PTGFRN: variants seen among roughly 807,000 people sequenced by gnomAD.
PTGFRN encodes the protein prostaglandin F2 receptor inhibitor.
In PTGFRN, 35 loss-of-function variants were observed where a neutral mutation model predicts 83.2. The observed-to-expected ratio is 0.42, with a 90% CI of 0.32 to 0.56. PTGFRN has a LOEUF of 0.56. Ranked by LOEUF, PTGFRN falls within the 20% of genes least tolerant of loss-of-function variation. PTGFRN has a pLI of 0.11. For synonymous variants in PTGFRN, 519 were observed against 498.6 expected, an observed-to-expected ratio of 1.04 and a Z score of -0.55; for missense variants, 1,051 against 1,179.5, an observed-to-expected ratio of 0.89 and a Z score of 1.60.
intron 4 of PTGFRN, among the ~76,000 whole-genome samples, chr1:116,950,113 A>C (rs1403733231): frequency 2.6e-5 from 4 of 152,026 alleles, no homozygotes; most frequent in Non-Finnish European, 5.9e-5. Context: ...CTCTCACCCC[A>C]GGTGTAATTT....
intron 1 of PTGFRN, among the ~76,000 whole-genome samples, chr1:116,931,304 T>A (rs528558045): frequency 6.6e-6 from 1 of 152,250 alleles, no homozygotes; most frequent in South Asian, 2.1e-4. Context: ...GTATGACAGT[T>A]TGCACTGTTC....
Position 116,961,724 on chromosome 1 carries a change from G to GAGAT in PTGFRN, c.1639+56_1639+57insAGAT. ...GTTTTGTCTTTGCTTAAGTCGTGCC[G>GAGAT]CTGTGTGTTGATGCACAGTCACCCT... On this transcript the variant is annotated intron_variant, in intron 5 of 8. Coordinates refer to ENST00000393203, the MANE Select transcript of PTGFRN (RefSeq NM_020440.4). This position sits in a 1 kb window ranked among gnomAD's most constrained non-coding sequence, Gnocchi z 5.4. 6.7e-7 allele frequency: 1 copy of GAGAT among 1,494,168 alleles called. No individual in the cohort carries two copies. Among genetic ancestry groups the GAGAT allele is most frequent in the South Asian group, 1.3e-5 (1 of 76,086 alleles). The allele number at this position is 1,494,168 out of a possible 1,614,324, so 92.6% of individuals were successfully genotyped here. A position where few individuals can be genotyped will look rare whatever the true frequency, so the allele number is the denominator to read the frequency against.
rs1171564821 is a variant in PTGFRN, at chr1:116,927,525, C to CTTTTTTTT, written c.50-14178_50-14171dup. 1.8e-4 allele frequency among the ~76,000 whole-genome samples: 22 copies of CTTTTTTTT among 124,392 alleles called. 2 individuals carry two copies. The highest frequency in any genetic ancestry group is 8.1e-4 in the African/African-American group (21 of 25,996). 81.6% of individuals were successfully genotyped at this position (124,392 alleles called of 152,430 possible). ...CTGTATGTCTTTCTGCCTTGCTTAC[C>CTTTTTTTT]TTTTTTTTTTTTTTTTTTTGATACA... On this transcript the variant is annotated intron_variant, in intron 1 of 8. Transcript: ENST00000393203.
chr1:116,910,320 C>T, intron 1 of PTGFRN, 68 bp downstream of exon 1: 6 of 1,226,550 alleles, frequency 4.9e-6, no homozygotes, highest in Middle Eastern at 3.1e-4. Context: ...CGGCGGGGCG[C>T]GGCTGCAGCG....
intron 4 of PTGFRN, among the ~76,000 whole-genome samples, chr1:116,955,769 G>A (rs1557742250): frequency 2.0e-5 from 3 of 152,160 alleles, no homozygotes; most frequent in African/African-American, 2.4e-5. Context: ...TGCACAGCAC[G>A]TACAGAGAAT....
intron 1 of PTGFRN, among the ~76,000 whole-genome samples, chr1:116,927,904 A>G (rs1649694269): frequency 6.6e-6 from 1 of 152,192 alleles, no homozygotes; most frequent in Non-Finnish European, 1.5e-5. Context: ...ATGAAATGCA[A>G]AGTCTTTGTC....
At chr1:116,956,622 A>T (rs1650505098) in intron 4 of PTGFRN, among the ~76,000 whole-genome samples, 1 of 152,206 alleles carries the variant, frequency 6.6e-6, no homozygotes, top group Non-Finnish European at 1.5e-5. Flanking sequence ...AGTGGAGTTG[A>T]GAAGGCAGTG....
chr1:116,957,949 C>G (rs560585135), intron 4 of PTGFRN, among the ~76,000 whole-genome samples: 1 of 147,562 alleles, frequency 6.8e-6, no homozygotes, highest in South Asian at 2.2e-4. Context: ...GGATTTTGTT[C>G]TTTTTTTTTT....
In PTGFRN at chr1:116,961,641, C is replaced by A. The variant is rs1196982575; in HGVS notation, c.1612C>A (p.Pro538Thr). 1 of 1,611,074 alleles carries A rather than the reference C, an allele frequency of 6.2e-7. No individual in the cohort carries two copies. The highest frequency in any genetic ancestry group is 1.3e-5 in the African/African-American group (1 of 74,754). ...GAAAAGCAAGGATGTCTTCTCCAAG[C>A]CTGTTAACATATTTTGGGCATTAGA... is the stretch of plus-strand genomic sequence containing the variant. ...WVKSKDVFSK[P>T]VNIFWALEDS... is the part of the protein sequence containing the mutation. Residue 538 changes from proline (P) to threonine (T), a missense_variant, in exon 5 of 9, where the codon CCT becomes ACT. Coordinates refer to ENST00000393203, the MANE Select transcript of PTGFRN (RefSeq NM_020440.4). This position sits in a 1 kb window ranked among gnomAD's most constrained non-coding sequence, Gnocchi z 5.4.
At chr1:116,982,004 C>G (rs1467070741) in intron 7 of PTGFRN, among the ~76,000 whole-genome samples, 1 of 152,132 alleles carries the variant, frequency 6.6e-6, no homozygotes, top group East Asian at 1.9e-4. Context: ...TAGCTCCATT[C>G]ACAGGGGAAG....
intron 1 of PTGFRN, among the ~76,000 whole-genome samples, chr1:116,915,643 G>A (rs761953559): frequency 6.6e-6 from 1 of 152,132 alleles, no homozygotes; most frequent in African/African-American, 2.4e-5. Context: ...TTGTTTTAGC[G>A]ATGAGCTGCT....
chr1:116,941,995 G>T lies in PTGFRN; in HGVS notation c.330G>T (p.Gln110His). 1 of 1,614,196 alleles carries T rather than the reference G, an allele frequency of 6.2e-7. No homozygotes were observed. Among genetic ancestry groups the T allele is most frequent in the Non-Finnish European group, 8.5e-7 (1 of 1,180,042 alleles). The change falls in exon 2 of 9, where the codon CAG becomes CAT. Residue 110 changes from glutamine to histidine, a missense_variant. Physicochemically the swap from Gln to His is conservative, Grantham distance 24. Around this residue, in one of 3 missense-constraint regions of PTGFRN, gnomAD observed 127 missense variants for 168.4 expected, o/e 0.75. Transcript: ENST00000393203. The surrounding 1 kb of genome is among the most constrained non-coding windows in gnomAD (Gnocchi z 5.0). ...TGGAGCTCCACATAAAGAACGTCCA[G>T]CCTTCAGACCAAGGCCACTACAAAT... ...DAVELHIKNV[Q>H]PSDQGHYKCS...
chr1:116,955,376 C>T (rs1452606288), intron 4 of PTGFRN, among the ~76,000 whole-genome samples: 1 of 152,194 alleles, frequency 6.6e-6, no homozygotes, highest in Admixed American at 6.5e-5. Flanking sequence ...CAAATATTCA[C>T]AGTTGAAGAA....
intron 7 of PTGFRN, among the ~76,000 whole-genome samples, chr1:116,977,856 A>G (rs1651199684): frequency 6.6e-6 from 1 of 152,256 alleles, no homozygotes. Flanking sequence ...GCAGAAGGCA[A>G]GAAATAACTA....
chr1:116,910,399 G>C (rs1039541775), intron 1 of PTGFRN, 147 bp downstream of exon 1: 63 of 630,050 alleles, frequency 1.0e-4, no homozygotes, highest in Non-Finnish European at 1.1e-4. Context: ...CGGGTTGTTC[G>C]GCCCGGCGGG....
chr1:116,981,460 C>T (rs528992137), intron 7 of PTGFRN, among the ~76,000 whole-genome samples: 16 of 152,196 alleles, frequency 1.1e-4, no homozygotes, highest in Admixed American at 2.0e-4. Context: ...CTAAAAGCAG[C>T]TTTCCATTCT....
In PTGFRN at chr1:116,923,208, T is replaced by C. The variant is rs1649580345; in HGVS notation, c.49+12956T>C. Among the ~76,000 whole-genome samples, 1 of 152,240 alleles carries C rather than the reference T, an allele frequency of 6.6e-6. No homozygotes were observed. The highest frequency in any genetic ancestry group is 1.5e-5 in the Non-Finnish European group (1 of 68,036). On this transcript the variant is annotated intron_variant, in intron 1 of 8. Transcript: ENST00000393203. This position sits in a 1 kb window ranked among gnomAD's most constrained non-coding sequence, Gnocchi z 4.0. The stretch of plus-strand genomic sequence containing the variant: ...TTGAATCTTTGAATAATTGAATTAA[T>C]GTATGTGCTTAGAAAAATGCCTATA...
At chr1:116,929,476 C>A (rs1018858883) in intron 1 of PTGFRN, among the ~76,000 whole-genome samples, 1 of 152,210 alleles carries the variant, frequency 6.6e-6, no homozygotes, top group Admixed American at 6.5e-5. Context: ...AGGGCCCCTG[C>A]CCCCTCATTC....
At position 116,924,464 on chromosome 1, in the gene PTGFRN, A is replaced by C. The variant is rs574441093; in HGVS notation, c.49+14212A>C. Reference sequence around the variant, plus strand: ...CCAACCTGCATGTAGTTTTAAAGGCATTAGTGCCATGTCTGGATTGGGGAC... The same window carrying C: ...CCAACCTGCATGTAGTTTTAAAGGCCTTAGTGCCATGTCTGGATTGGGGAC... On this transcript the variant is annotated intron_variant, in intron 1 of 8. Transcript: ENST00000393203. Among the ~76,000 whole-genome samples, 55 of 152,298 alleles carry C rather than the reference A, an allele frequency of 3.6e-4. 1 individual carries two copies. The highest frequency in any genetic ancestry group is 1.3e-3 in the African/African-American group (54 of 41,566).
Sources: gnomAD v4.1 joint callset for allele counts (sites outside exome capture counted in the v4.1 genomes callset) on GRCh38, gnomAD v4.1.1 for gene constraint, gnomAD v4.1.1 regional missense constraint, Gnocchi (gnomAD v3.1) non-coding constraint, MANE v1.5 for transcripts, NCBI Gene and HGNC (gene_info 2026-07-23, HGNC 2026-07-21) for gene names.